The following LMBRD1 variants were observed in gnomAD, a reference collection of about 807,000 sequenced individuals.
LMBRD1 encodes LMBR1 domain containing 1.
Under a neutral mutation model 74.8 loss-of-function variants are expected in LMBRD1, and 64 were observed. The observed-to-expected ratio is 0.86, with a 90% CI of 0.70 to 1.05. The LOEUF (loss-of-function observed/expected upper bound fraction) is 1.05. LMBRD1 is among the 50% of genes least tolerant of loss of function. LMBRD1 has a pLI of 0.00. For missense variants in LMBRD1, 652 were observed against 645.9 expected (o/e 1.01, Z -0.10); for synonymous variants, 204 against 216.3 (o/e 0.94, Z 0.50).
At chr6:69,775,197 T>G (rs938541938) in intron 3 of LMBRD1, among the ~76,000 whole-genome samples, 2 of 152,086 alleles carry the variant, frequency 1.3e-5, no homozygotes, top group African/African-American at 4.8e-5. Context: ...AACTTTACCC[T>G]CTCATACTTC....
At chr6:69,746,704 T>C (rs1212040997) in intron 5 of LMBRD1, 1 of 152,628 alleles carries the variant, frequency 6.6e-6, no homozygotes, top group Non-Finnish European at 1.5e-5. Flanking sequence ...CCAACTTTAC[T>C]AGTGATACTC....
intron 8 of LMBRD1, among the ~76,000 whole-genome samples, chr6:69,714,333 C>G (rs1766447035): frequency 6.6e-6 from 1 of 151,950 alleles, no homozygotes; most frequent in African/African-American, 2.4e-5. Flanking sequence ...TCCTTGTTTT[C>G]CAAGTACTTT....
Position 69,796,917 on chromosome 6 carries a change from G to C in LMBRD1, c.-36C>G, listed in dbSNP as rs749517935. 6 of 1,596,748 alleles carry C rather than the reference G, an allele frequency of 3.8e-6. No homozygotes were observed. The highest frequency in any genetic ancestry group is 2.2e-5 in the East Asian group (1 of 44,712). Reference sequence around the variant, plus strand: ...GGTCCAGACCAACCTGAGCGCCCGGGGTGGGGAAAGGGGAGGGGGAAAGGG... The same window carrying C: ...GGTCCAGACCAACCTGAGCGCCCGGCGTGGGGAAAGGGGAGGGGGAAAGGG... On this transcript the variant is annotated 5_prime_UTR_variant, in exon 1 of 16. Coordinates refer to ENST00000649934, the MANE Select transcript of LMBRD1 (RefSeq NM_018368.4).
intron 7 of LMBRD1, among the ~76,000 whole-genome samples, chr6:69,734,169 T>G (rs1040150745): frequency 6.6e-6 from 1 of 152,208 alleles, no homozygotes; most frequent in African/African-American, 2.4e-5. Flanking sequence ...TAGTGGGCTG[T>G]TACATCGGAA....
chr6:69,697,464 A>T, intron 14 of LMBRD1, 99 bp downstream of exon 14: 1 of 834,336 alleles, frequency 1.2e-6, no homozygotes, highest in Non-Finnish European at 2.1e-6. Flanking sequence ...TTTCCTTCTT[A>T]CCACGTAGTA....
At chr6:69,699,690 C>A (rs1234561962) in intron 12 of LMBRD1, among the ~76,000 whole-genome samples, 1 of 151,760 alleles carries the variant, frequency 6.6e-6, no homozygotes, top group Non-Finnish European at 1.5e-5. Flanking sequence ...AATGAAAACA[C>A]ATGGTAACTG....
chr6:69,722,955 T>G (rs1004268385), intron 7 of LMBRD1, among the ~76,000 whole-genome samples: 1 of 152,138 alleles, frequency 6.6e-6, no homozygotes, highest in East Asian at 1.9e-4. Context: ...ACATTTCACC[T>G]ACAAAGACAT....
intron 14 of LMBRD1, among the ~76,000 whole-genome samples, chr6:69,690,463 T>C (rs1014554571): frequency 2.0e-5 from 3 of 152,232 alleles, no homozygotes; most frequent in Admixed American, 6.5e-5. Context: ...CAACAAGAAA[T>C]CTCCTGAATG....
At position 69,713,621 on chromosome 6, in the gene LMBRD1, A is replaced by G. The variant is rs1488544643; in HGVS notation, c.915+24T>C. On this transcript the variant is annotated intron_variant, in intron 9 of 15. Coordinates refer to ENST00000649934, the MANE Select transcript of LMBRD1 (RefSeq NM_018368.4). Reference sequence around the variant, plus strand: ...CATAAACTTGGGGAAGAGTGACAGCATAATTTTTAAAAACTTCATTTACCT... The same window carrying G: ...CATAAACTTGGGGAAGAGTGACAGCGTAATTTTTAAAAACTTCATTTACCT... 1.9e-6 allele frequency: 3 copies of G among 1,612,428 alleles called. No individual in the cohort carries two copies. The Admixed American group carries it at 5.0e-5, about 27-fold the overall frequency.
intron 3 of LMBRD1, among the ~76,000 whole-genome samples, chr6:69,753,533 C>T (rs1291105683): frequency 6.6e-6 from 1 of 152,002 alleles, no homozygotes; most frequent in Non-Finnish European, 1.5e-5. Context: ...ACGATGTTTC[C>T]TAAAAAAATG....
intron 1 of LMBRD1, among the ~76,000 whole-genome samples, chr6:69,794,964 C>G (rs1766179703): frequency 6.6e-6 from 1 of 152,192 alleles, no homozygotes; most frequent in African/African-American, 2.4e-5. Flanking sequence ...CACCTTGCAG[C>G]TGACATGAAT....
chr6:69,730,203 C>T (rs954281739), intron 7 of LMBRD1, among the ~76,000 whole-genome samples: 1 of 151,998 alleles, frequency 6.6e-6, no homozygotes, highest in Non-Finnish European at 1.5e-5. Context: ...AACTACATTC[C>T]TAATAACTTC....
At position 69,718,767 on chromosome 6, in the gene LMBRD1, G is replaced by A. The variant is rs12523909; in HGVS notation, c.762+189C>T. The stretch of plus-strand genomic sequence containing the variant: ...TCCCACTGGGTCCCTCCCACAACAC[G>A]GGGGATTATTGGAACTACAATTCAA... On this transcript the variant is annotated intron_variant, in intron 8 of 15. Transcript: ENST00000649934. Among the ~76,000 whole-genome samples the A allele has an allele frequency of 4.8e-3, 725 of 152,240 alleles. 8 individuals carry two copies. The highest frequency in any genetic ancestry group is 0.017 in the Middle Eastern group (5 of 294).
chr6:69,676,852 A>C (rs1765556920), intron 14 of LMBRD1, among the ~76,000 whole-genome samples: 1 of 152,202 alleles, frequency 6.6e-6, no homozygotes, highest in African/African-American at 2.4e-5. Context: ...AATCATTTTT[A>C]CTTGGAGTGT....
In LMBRD1 at chr6:69,701,901, A is replaced by T. The variant is rs1766140142; in HGVS notation, c.968T>A (p.Leu323His). 6.3e-7 allele frequency: 1 copy of T among 1,596,950 alleles called. No homozygotes were observed. The highest frequency in any genetic ancestry group is 1.3e-5 in the African/African-American group (1 of 74,412). The change falls in exon 10 of 16, where the codon CTC (leucine) becomes CAC (histidine). Residue 323 changes from leucine (L) to histidine (H), a missense_variant. Coordinates refer to ENST00000649934, the MANE Select transcript of LMBRD1 (RefSeq NM_018368.4). Reference sequence around the variant, plus strand: ...CTACTGTACTTACTTTGACAAGAAGAGAGAAATTACAAACAGCAATGCAAC... The same window carrying T: ...CTACTGTACTTACTTTGACAAGAAGTGAGAAATTACAAACAGCAATGCAAC... ...ILVALLFVIS[L>H]FLSNLDKALH...
At chr6:69,793,212 C>T (rs1259778243) in intron 1 of LMBRD1, among the ~76,000 whole-genome samples, 1 of 152,154 alleles carries the variant, frequency 6.6e-6, no homozygotes, top group Non-Finnish European at 1.5e-5. Context: ...CCCAGCTTCT[C>T]CCAAAAGATT....
At position 69,683,821 on chromosome 6, in the gene LMBRD1, T is replaced by C. The variant is rs187608047; in HGVS notation, c.1418-7280A>G. ...GAATGGAAGTAGAACCATCAGCTGA[T>C]GAGAGGTTCCAACAATAATCCAGAA... On this transcript the variant is annotated intron_variant, in intron 14 of 15. Transcript: ENST00000649934. Among the ~76,000 whole-genome samples, 70 of 152,140 alleles carry C rather than the reference T, an allele frequency of 4.6e-4. 1 individual carries two copies. The Middle Eastern group carries it at 0.01, about 22-fold the overall frequency.
intron 9 of LMBRD1, among the ~76,000 whole-genome samples, chr6:69,709,916 A>G (rs745319255): frequency 1.1e-4 from 16 of 152,226 alleles, no homozygotes. Flanking sequence ...TATCATGTTC[A>G]TGGATAGAAT....
chr6:69,730,711 AT>A (rs1336203900), intron 7 of LMBRD1, among the ~76,000 whole-genome samples: 1 of 152,124 alleles, frequency 6.6e-6, no homozygotes, highest in African/African-American at 2.4e-5. Context: ...CAAAAAGTTA[AT>A]GTGTAAGTCA....
Sources: gnomAD v4.1 joint callset for allele counts (sites outside exome capture counted in the v4.1 genomes callset) on GRCh38, gnomAD v4.1.1 for gene constraint, MANE v1.5 for transcripts, NCBI Gene and HGNC (gene_info 2026-07-23, HGNC 2026-07-21) for gene names.